PPFIBP2: variants seen among roughly 807,000 people sequenced by gnomAD.
PPFIBP2 encodes the protein liprin-beta-2.
Under a neutral mutation model 118.3 loss-of-function variants are expected in PPFIBP2, and 118 were observed. The ratio of observed to expected loss-of-function variants is 1.00; its 90% confidence interval spans 0.86 to 1.16. The LOEUF is 1.16. Among genes scored for constraint, PPFIBP2 ranks in the 50% most tolerant of loss-of-function variants. PPFIBP2 has a pLI of 0.00. For missense variants in PPFIBP2, 1,195 were observed against 1,073.1 expected (o/e 1.11, Z -1.59); for synonymous variants, 414 against 397.4 (o/e 1.04, Z -0.50).
intron 5 of PPFIBP2, among the ~76,000 whole-genome samples, chr11:7,601,575 C>T (rs956281257): frequency 6.6e-6 from 1 of 152,142 alleles, no homozygotes; most frequent in Non-Finnish European, 1.5e-5. Flanking sequence ...ACAAGCATCT[C>T]TCAGGACTGC....
rs74535382 is a variant in PPFIBP2, at chr11:7,555,624, T to C, written c.64+6085T>C. ...CCTGCTAGGACTTTGTTCAGAAGAG[T>C]TGGAGTGGGGGTCTTAGGAGTGTCT... is the stretch of plus-strand genomic sequence containing the variant. On this transcript the variant is annotated intron_variant, in intron 2 of 23. Coordinates refer to ENST00000299492, the MANE Select transcript of PPFIBP2 (RefSeq NM_003621.5). 1.6e-4 allele frequency among the ~76,000 whole-genome samples: 25 copies of C among 152,248 alleles called. No homozygotes were observed. The East Asian group carries it at 4.4e-3, about 27-fold the overall frequency.
intron 5 of PPFIBP2, among the ~76,000 whole-genome samples, chr11:7,600,765 T>C (rs1861286076): frequency 6.6e-6 from 1 of 152,252 alleles, no homozygotes; most frequent in African/African-American, 2.4e-5. Flanking sequence ...GCTGCTGTTC[T>C]ACTCCAGTTG....
chr11:7,518,633 G>A (rs894052984), intron 1 of PPFIBP2, among the ~76,000 whole-genome samples: 3 of 152,130 alleles, frequency 2.0e-5, no homozygotes, highest in South Asian at 2.1e-4. Context: ...AGGGGATAAC[G>A]TAGAGGTCAT....
chr11:7,624,340 G>T (rs1325105897), intron 7 of PPFIBP2, among the ~76,000 whole-genome samples: 1 of 152,154 alleles, frequency 6.6e-6, no homozygotes, highest in Non-Finnish European at 1.5e-5. Context: ...TTGTTTCCTC[G>T]GGTGGTTGCT....
At chr11:7,640,414 A>G (rs1852017821) in intron 15 of PPFIBP2, among the ~76,000 whole-genome samples, 1 of 152,208 alleles carries the variant, frequency 6.6e-6, no homozygotes, top group African/African-American at 2.4e-5. Flanking sequence ...TTCGGTGCGT[A>G]AGACCTGAAA....
chr11:7,537,925 T>TTGGTCACCAAGA (rs11268059), intron 1 of PPFIBP2, among the ~76,000 whole-genome samples: 55,077 of 151,822 alleles, frequency 0.36, 10,512 homozygotes, highest in African/African-American at 0.5. Context: ...AGGCATGGCC[T>TTGGTCACCAAGA]TGGTTGTGGC....
chr11:7,656,725 A>C (rs1854726022), downstream of PPFIBP2: 3 of 1,289,694 alleles, frequency 2.3e-6, no homozygotes, highest in African/African-American at 4.6e-5. Context: ...TGTCCTTTTC[A>C]GACAATGCTG....
At chr11:7,605,902 G>A (rs1847281586) in intron 5 of PPFIBP2, 1 of 1,510,404 alleles carries the variant, frequency 6.6e-7, no homozygotes, top group East Asian at 2.5e-5. Flanking sequence ...GAACGAAATG[G>A]AAAGCAAAGC....
intron 3 of PPFIBP2, among the ~76,000 whole-genome samples, chr11:7,570,813 T>TC (rs1855577039): frequency 6.6e-6 from 1 of 152,210 alleles, no homozygotes; most frequent in East Asian, 1.9e-4. Flanking sequence ...GAGCCTCTTC[T>TC]TCACTTCTGT....
At position 7,648,521 on chromosome 11, in the gene PPFIBP2, C is replaced by G. The variant is rs1239107428; in HGVS notation, c.1781C>G (p.Pro594Arg). The change falls in exon 18 of 24, where the codon CCT becomes CGT. Residue 594 changes from proline (P) to arginine (R), a missense_variant. By Grantham distance (103) the Pro-to-Arg change is moderately radical. Transcript: ENST00000299492. ...SSGHTLLTAT[P>R]QDMEKELGIK... is the part of the protein sequence containing the mutation. ...GGCCACACCTTATTGACAGCCACCC[C>G]TCAGGACATGGAAAAGGTAAGGGCT... is the stretch of plus-strand genomic sequence containing the variant. 7 of 1,614,088 alleles carry G rather than the reference C, an allele frequency of 4.3e-6. No homozygotes were observed. Among genetic ancestry groups the G allele is most frequent in the South Asian group, 1.1e-5 (1 of 91,074 alleles).
At chr11:7,623,247 G>A (rs1251925226) in intron 7 of PPFIBP2, among the ~76,000 whole-genome samples, 2 of 152,188 alleles carry the variant, frequency 1.3e-5, no homozygotes, top group African/African-American at 2.4e-5. Flanking sequence ...ATCTCCCAGT[G>A]CAATGGCAGT....
Position 7,631,002 on chromosome 11 carries a change from G to A in PPFIBP2, c.1042G>A (p.Asp348Asn), listed in dbSNP as rs1850685663. The A allele has an allele frequency of 1.9e-6, 3 of 1,613,622 alleles. No homozygotes were observed. The South Asian group carries it at 3.3e-5, about 18-fold the overall frequency. Residue 348 changes from aspartate (D) to asparagine (N), a missense_variant, in exon 11 of 24, where the codon GAC becomes AAC. Coordinates refer to ENST00000299492, the MANE Select transcript of PPFIBP2 (RefSeq NM_003621.5). ...GFSKWNATNK[D>N]PEELFKQEMP... ...CAGCAAGTGGAACGCTACAAATAAG[G>A]ACCCTGAAGAATTATTTAAACAAGA...
rs1854346392 is a variant in PPFIBP2, at chr11:7,653,349, G to A, written c.*131G>A. On this transcript the variant is annotated 3_prime_UTR_variant, in exon 24 of 24. Coordinates refer to ENST00000299492, the MANE Select transcript of PPFIBP2 (RefSeq NM_003621.5). ...AATATTCCAGCAATTGTGTACCCCT[G>A]GGCCAGTCTCTTTGAACCCTGAGGG... 1 of 1,493,682 alleles carries A rather than the reference G, an allele frequency of 6.7e-7. No homozygotes were observed. Among genetic ancestry groups the A allele is most frequent in the African/African-American group, 1.4e-5 (1 of 72,074 alleles). The allele number at this position is 1,493,682 out of a possible 1,614,324, so 92.5% of individuals were successfully genotyped here. A position where few individuals can be genotyped will look rare whatever the true frequency, so the allele number is the denominator to read the frequency against.
chr11:7,585,303 T>C (rs1857939968), intron 3 of PPFIBP2, among the ~76,000 whole-genome samples: 1 of 152,204 alleles, frequency 6.6e-6, no homozygotes, highest in African/African-American at 2.4e-5. Context: ...AAGCAACTGT[T>C]GGCTTCAAAA....
chr11:7,535,393 A>C (rs2134380839), intron 1 of PPFIBP2, among the ~76,000 whole-genome samples: 1 of 152,310 alleles, frequency 6.6e-6, no homozygotes, highest in Non-Finnish European at 1.5e-5. Flanking sequence ...GGAACCCAGG[A>C]GCAGGTCAGG....
At chr11:7,557,059 G>A (rs1387103682) in intron 2 of PPFIBP2, among the ~76,000 whole-genome samples, 2 of 152,178 alleles carry the variant, frequency 1.3e-5, no homozygotes, top group Non-Finnish European at 2.9e-5. Context: ...TGGAATTCCT[G>A]AAGAATTGTG....
At chr11:7,657,804 G>C (rs114395602), downstream of PPFIBP2, among the ~76,000 whole-genome samples, 3 of 152,158 alleles carry the variant, frequency 2.0e-5, no homozygotes, top group African/African-American at 7.2e-5. Context: ...CCACAGTGCC[G>C]TGTCTGCCCT....
At chr11:7,544,772 TAAAAAAAAAAAA>T (rs1194860244) in intron 1 of PPFIBP2, among the ~76,000 whole-genome samples, 1 of 86,144 alleles carries the variant, frequency 1.2e-5, no homozygotes, top group African/African-American at 4.6e-5. Flanking sequence ...AGACTCCATC[TAAAAAAAAAAAA>T]AAAAAAAAAA....
chr11:7,648,997 G>A, intron 19 of PPFIBP2, 86 bp downstream of exon 19: 2 of 1,378,278 alleles, frequency 1.5e-6, no homozygotes, highest in Non-Finnish European at 2.1e-6. Context: ...GTACCTCAAG[G>A]ACAGCTGTCT....
Sources: gnomAD v4.1 joint callset for allele counts (sites outside exome capture counted in the v4.1 genomes callset) on GRCh38, gnomAD v4.1.1 for gene constraint, MANE v1.5 for transcripts, NCBI Gene and HGNC (gene_info 2026-07-23, HGNC 2026-07-21) for gene names.